RBMS3: variants seen among roughly 807,000 people sequenced by gnomAD.
RBMS3 encodes RNA binding motif single stranded interacting protein 3.
A neutral mutation model predicts 66.8 loss-of-function variants in RBMS3; 27 were observed. That is an observed-to-expected ratio of 0.40 (90% CI 0.30 to 0.56). The LOEUF (loss-of-function observed/expected upper bound fraction) is 0.56. Among genes scored for constraint, RBMS3 ranks in the 20% least tolerant of loss-of-function variants. The pLI is 0.40. For synonymous variants in RBMS3, 188 were observed against 183.0 expected (o/e 1.03, Z -0.22); for missense variants, 513 against 549.5 (o/e 0.93, Z 0.66).
chr3:29,820,071 T>A (rs1170179986), intron 6 of RBMS3, among the ~76,000 whole-genome samples: 1 of 151,446 alleles, frequency 6.6e-6, no homozygotes, highest in African/African-American at 2.4e-5. Flanking sequence ...GGTGCATGCC[T>A]GTAGTCCCAG....
chr3:29,997,372 T>G (rs544635827), intron 14 of RBMS3, among the ~76,000 whole-genome samples: 1 of 150,058 alleles, frequency 6.7e-6, no homozygotes, highest in Non-Finnish European at 1.5e-5. Flanking sequence ...CTTCTGAAAC[T>G]ATTCCAATCA....
intron 1 of RBMS3, among the ~76,000 whole-genome samples, chr3:29,304,632 G>A (rs546586440): frequency 6.6e-5 from 10 of 152,012 alleles, no homozygotes; most frequent in East Asian, 2.0e-4. Context: ...CAGCAATACC[G>A]CAGCACTCTC....
At chr3:29,398,263 TTTAATTTC>T (rs1347816871) in intron 1 of RBMS3, among the ~76,000 whole-genome samples, 3 of 152,194 alleles carry the variant, frequency 2.0e-5, no homozygotes, top group African/African-American at 7.2e-5. Flanking sequence ...GTGTTATTTC[TTTAATTTC>T]ACTTTTAGGG....
chr3:29,685,208 G>A (rs942750901), intron 4 of RBMS3, among the ~76,000 whole-genome samples: 6 of 151,780 alleles, frequency 4.0e-5, no homozygotes, highest in South Asian at 2.1e-4. Context: ...ACAGGCGCCC[G>A]CCACCACGCC....
chr3:29,391,042 G>A, intron 1 of RBMS3: 2 of 389,046 alleles, frequency 5.1e-6, no homozygotes, highest in South Asian at 2.2e-5. Context: ...GTTGGTGGAG[G>A]CCCTTTGTGC....
chr3:29,647,183 T>C (rs1055314131), intron 4 of RBMS3, among the ~76,000 whole-genome samples: 1 of 152,162 alleles, frequency 6.6e-6, no homozygotes, highest in Non-Finnish European at 1.5e-5. Flanking sequence ...TTCACCAAGT[T>C]GGCCAGGCTG....
At chr3:29,440,653 A>G (rs1057270806) in intron 2 of RBMS3, among the ~76,000 whole-genome samples, 1 of 152,208 alleles carries the variant, frequency 6.6e-6, no homozygotes, top group Non-Finnish European at 1.5e-5. Context: ...AGCCAGAGGA[A>G]CGAAATAGAA....
chr3:29,761,760 G>A (rs1289733480), intron 5 of RBMS3, among the ~76,000 whole-genome samples: 2 of 152,106 alleles, frequency 1.3e-5, no homozygotes, highest in South Asian at 2.1e-4. Context: ...TACAACTTGA[G>A]TTGATGGGCA....
At chr3:29,387,263 T>C (rs1285278112) in intron 1 of RBMS3, among the ~76,000 whole-genome samples, 1 of 152,194 alleles carries the variant, frequency 6.6e-6, no homozygotes, top group Non-Finnish European at 1.5e-5. Flanking sequence ...CTTTGGATGT[T>C]AAATAGGAAT....
At chr3:29,761,086 T>G (rs1351282690) in intron 5 of RBMS3, among the ~76,000 whole-genome samples, 2 of 152,082 alleles carry the variant, frequency 1.3e-5, no homozygotes, top group Admixed American at 1.3e-4. Context: ...GTAGATCCCT[T>G]TGTTAAAACA....
intron 1 of RBMS3, among the ~76,000 whole-genome samples, chr3:29,349,823 T>C (rs9812752): frequency 0.58 from 88,296 of 151,954 alleles, 25,761 homozygotes; most frequent in East Asian, 0.63. Flanking sequence ...TTTTTGTTTC[T>C]CTTTGTGAAT....
intron 4 of RBMS3, among the ~76,000 whole-genome samples, chr3:29,734,019 C>CA (rs2054258625): frequency 6.6e-6 from 1 of 151,992 alleles, no homozygotes; most frequent in Admixed American, 6.6e-5. Flanking sequence ...TATGTGTACA[C>CA]ACACACCCAC....
At chr3:29,543,588 T>C (rs1559454429) in intron 3 of RBMS3, among the ~76,000 whole-genome samples, 1 of 152,128 alleles carries the variant, frequency 6.6e-6, no homozygotes, top group Non-Finnish European at 1.5e-5. Context: ...CGCAAGTCTG[T>C]AATCGCAGCT....
At position 29,739,300 on chromosome 3, in the gene RBMS3, C is replaced by CA. The variant is rs536580868; in HGVS notation, c.400-414dup. Reference sequence around the variant, plus strand: ...TGAAACCCCGTCTCTACTAAAAATACAAAAAATTAGCTGGGCGTGGTGGCG... The same window carrying CA: ...TGAAACCCCGTCTCTACTAAAAATACAAAAAAATTAGCTGGGCGTGGTGGCG... On this transcript the variant is annotated intron_variant, in intron 4 of 14. Transcript: ENST00000383767. Among the ~76,000 whole-genome samples, 548 of 151,766 alleles carry CA rather than the reference C, an allele frequency of 3.6e-3. 5 individuals are homozygous for CA. The highest frequency in any genetic ancestry group is 0.012 in the African/African-American group (517 of 41,408).
At chr3:29,873,738 CTT>C (rs1485965523) in intron 7 of RBMS3, among the ~76,000 whole-genome samples, 1 of 152,034 alleles carries the variant, frequency 6.6e-6, no homozygotes, top group African/African-American at 2.4e-5. Flanking sequence ...ATAAATGGCT[CTT>C]ATTATTTTGA....
chr3:29,654,516 G>T (rs1446168083), intron 4 of RBMS3, among the ~76,000 whole-genome samples: 21 of 130,746 alleles, frequency 1.6e-4, no homozygotes, highest in Non-Finnish European at 2.7e-4. Flanking sequence ...TACATGAATT[G>T]GATTCGTGTG....
intron 1 of RBMS3, among the ~76,000 whole-genome samples, chr3:29,309,103 T>C (rs1338871168): frequency 6.6e-6 from 1 of 151,722 alleles, no homozygotes; most frequent in African/African-American, 2.4e-5. Flanking sequence ...GGAGGCAGCA[T>C]TGGCAGAGGT....
chr3:29,295,998 G>A (rs1464062702), intron 1 of RBMS3, among the ~76,000 whole-genome samples: 3 of 151,722 alleles, frequency 2.0e-5, no homozygotes, highest in African/African-American at 7.3e-5. Flanking sequence ...TTTGATGACA[G>A]GATTGTACTC....
chr3:29,597,572 A>G lies in RBMS3; in HGVS notation c.399+10367A>G, dbSNP rs149600279. On this transcript the variant is annotated intron_variant, in intron 4 of 14. Transcript: ENST00000383767. ...TTGAATGACTTAACCACACCGTGAAACTTAGAGTCTGCTGGCTAAATCAGT... is the reference window on the plus strand; with the variant it reads ...TTGAATGACTTAACCACACCGTGAAGCTTAGAGTCTGCTGGCTAAATCAGT... Among the ~76,000 whole-genome samples, 424 of 152,274 alleles carry G rather than the reference A, an allele frequency of 2.8e-3. 4 individuals carry two copies. The highest frequency in any genetic ancestry group is 9.7e-3 in the African/African-American group (403 of 41,578).
Sources: allele counts gnomAD v4.1 joint callset (sites outside exome capture counted in the v4.1 genomes callset), GRCh38; gene constraint gnomAD v4.1.1; transcripts MANE v1.5; gene names NCBI Gene and HGNC (gene_info 2026-07-23, HGNC 2026-07-21).